Variants in DPYD observed in about 807,000 individuals in gnomAD.
DPYD encodes the protein dihydropyrimidine dehydrogenase, also known as dihydropyrimidine dehydrogenase [NADP(+)].
DPYD carries 109 observed loss-of-function variants against 116.2 expected under a neutral mutation model. That is an observed-to-expected ratio of 0.94 (90% CI 0.80 to 1.10). The LOEUF (loss-of-function observed/expected upper bound fraction) is 1.10. Among genes scored for constraint, DPYD ranks in the 50% least tolerant of loss-of-function variants. The pLI is 0.00. For missense variants in DPYD, 1,302 were observed against 1,254.5 expected, an observed-to-expected ratio of 1.04 and a Z score of -0.57; for synonymous variants, 440 against 432.0, an observed-to-expected ratio of 1.02 and a Z score of -0.23.
rs1651172191 is a variant in DPYD, at chr1:97,549,702, A to C, written c.1382T>G (p.Leu461Arg). The change falls in exon 12 of 23, where the codon CTC (leucine) becomes CGC (arginine). Residue 461 changes from leucine (L) to arginine (R), a missense_variant. By Grantham distance (102) the Leu-to-Arg change is moderately radical. Coordinates refer to ENST00000370192, the MANE Select transcript of DPYD (RefSeq NM_000110.4). ...LSPIKFNRWG[L>R]PEVDPETMQT... ...CATAGTTTCTGGATCTACTTCTGGG[A>C]GACCCCATCTGTTAAATTTTATAGG... 1.9e-6 allele frequency: 3 copies of C among 1,613,720 alleles called. No homozygotes were observed. Among genetic ancestry groups the C allele is most frequent in the Non-Finnish European group, 2.5e-6 (3 of 1,179,872 alleles).
Position 97,358,370 on chromosome 1 carries a change from G to A in DPYD, c.2058+15191C>T, listed in dbSNP as rs186082783. On this transcript the variant is annotated intron_variant, in intron 16 of 22. Coordinates refer to ENST00000370192, the MANE Select transcript of DPYD (RefSeq NM_000110.4). ...GCCTCTGTGGTCTCCACCTCTGGGG[G>A]CAGGGCATAGCTGAACAAAAGGCAG... Among the ~76,000 whole-genome samples the A allele has an allele frequency of 1.8e-3, 273 of 152,336 alleles. 1 individual carries two copies. Among genetic ancestry groups the A allele is most frequent in the African/African-American group, 6.4e-3 (266 of 41,592 alleles).
At chr1:97,478,390 C>T (rs888256649) in intron 13 of DPYD, among the ~76,000 whole-genome samples, 3 of 152,082 alleles carry the variant, frequency 2.0e-5, no homozygotes, top group Admixed American at 6.5e-5. Context: ...TGGGTTCAAG[C>T]AATTCTCCTG....
intron 18 of DPYD, among the ~76,000 whole-genome samples, chr1:97,288,291 A>C (rs1665875081): frequency 6.6e-6 from 1 of 150,858 alleles, no homozygotes; most frequent in Non-Finnish European, 1.5e-5. Context: ...ACAGAAAGTT[A>C]ACAAGGATAC....
rs999141161 is a variant in DPYD at position 97,089,275 on chromosome 1, T to C, written c.2767-6805A>G. ...TCATTCTCATATATATCAACAGAAG[T>C]GGAAAGCATTCGGGGGACTTTATAA... On this transcript the variant is annotated intron_variant, in intron 21 of 22. Transcript: ENST00000370192. Among the ~76,000 whole-genome samples the C allele has an allele frequency of 1.3e-5, 2 of 152,158 alleles. 1 individual carries two copies. Among genetic ancestry groups the C allele is most frequent in the African/African-American group, 4.8e-5 (2 of 41,440 alleles).
At chr1:97,322,242 A>T (rs1300782088) in intron 16 of DPYD, among the ~76,000 whole-genome samples, 3 of 150,166 alleles carry the variant, frequency 2.0e-5, no homozygotes, top group Non-Finnish European at 4.4e-5. Flanking sequence ...AATAAAAAAA[A>T]ATAATAAATA....
intron 5 of DPYD, chr1:97,719,909 A>G (rs1395570115): frequency 1.5e-5 from 15 of 984,922 alleles, no homozygotes; most frequent in Admixed American, 1.2e-4. Context: ...TAATCTATGC[A>G]TAACTCTTCA....
intron 20 of DPYD, among the ~76,000 whole-genome samples, chr1:97,177,882 G>A (rs761074853): frequency 7.2e-5 from 11 of 152,160 alleles, no homozygotes; most frequent in South Asian, 4.2e-4. Context: ...AGATTGAGAC[G>A]CTGGGAGATT....
In DPYD at chr1:97,450,115, T is replaced by C. The variant is rs776984091; in HGVS notation, c.1849A>G (p.Thr617Ala). The C allele has an allele frequency of 6.2e-7, 1 of 1,613,992 alleles. No individual in the cohort carries two copies. Among genetic ancestry groups the C allele is most frequent in the South Asian group, 1.1e-5 (1 of 91,086 alleles). The change falls in exon 14 of 23, where the codon ACG becomes GCG. Residue 617 changes from threonine to alanine, a missense_variant. Physicochemically the swap from Thr to Ala is moderately conservative, Grantham distance 58. Transcript: ENST00000370192. ...FLNIELISEKTAAYWCQSVTE... is the reference protein window; with the variant it reads ...FLNIELISEKAAAYWCQSVTE... ...ACACTTTGACACCAATATGCAGCCG[T>C]TTTCTCACTGATGAGCTCAATATTC...
chr1:97,523,667 C>T (rs1008072672), intron 12 of DPYD, among the ~76,000 whole-genome samples: 6 of 152,044 alleles, frequency 3.9e-5, no homozygotes, highest in Non-Finnish European at 5.9e-5. Context: ...TCAAATAAAA[C>T]AATATCATTA....
Position 97,642,884 on chromosome 1 carries a change from TAATAAAATTA to T in DPYD, c.850+36201_850+36210del, listed in dbSNP as rs199667278. Among the ~76,000 whole-genome samples, 1,505 of 150,872 alleles carry T rather than the reference TAATAAAATTA, an allele frequency of 1.0e-2. 28 individuals are homozygous for T. The highest frequency in any genetic ancestry group is 0.035 in the African/African-American group (1,419 of 40,980). ...TACCCTAAAACTTGAAGTATAATAATAATAAAATTAAATTAAATTAAATTAAATTAAATTA... is the reference window on the plus strand; with the variant it reads ...TACCCTAAAACTTGAAGTATAATAATAATTAAATTAAATTAAATTAAATTA... On this transcript the variant is annotated intron_variant, in intron 8 of 22. Transcript: ENST00000370192.
At chr1:97,520,933 CAT>C (rs150609283) in intron 12 of DPYD, among the ~76,000 whole-genome samples, 12,710 of 152,124 alleles carry the variant, frequency 0.084, 636 homozygotes, top group South Asian at 0.1. Flanking sequence ...CTTCAATAAA[CAT>C]GTGTGTGCAT....
chr1:97,191,989 T>C (rs1658406563), intron 20 of DPYD, among the ~76,000 whole-genome samples: 1 of 152,196 alleles, frequency 6.6e-6, no homozygotes, highest in African/African-American at 2.4e-5. Flanking sequence ...TCTGTTTGAT[T>C]GCCACTCATG....
intron 10 of DPYD, among the ~76,000 whole-genome samples, chr1:97,581,426 C>A (rs1174010291): frequency 6.6e-6 from 1 of 150,594 alleles, no homozygotes; most frequent in Non-Finnish European, 1.5e-5. Context: ...GGGCATTTCA[C>A]CTAGCAGTAG....
At chr1:97,389,800 G>T (rs1233246291) in intron 14 of DPYD, among the ~76,000 whole-genome samples, 6 of 150,402 alleles carry the variant, frequency 4.0e-5, no homozygotes, top group Non-Finnish European at 8.9e-5. Flanking sequence ...ATCAAATTTT[G>T]CATATTTCTT....
At chr1:97,598,045 C>T (rs544047281) in intron 8 of DPYD, among the ~76,000 whole-genome samples, 22 of 151,952 alleles carry the variant, frequency 1.4e-4, no homozygotes, top group African/African-American at 2.2e-4. Flanking sequence ...GCTGGCACAT[C>T]GTGAATACTC....
chr1:97,171,510 C>A (rs17116539), intron 20 of DPYD, among the ~76,000 whole-genome samples: 1 of 152,108 alleles, frequency 6.6e-6, no homozygotes, highest in Non-Finnish European at 1.5e-5. Flanking sequence ...TAGGCAAGTG[C>A]GGAGGTTTTG....
At chr1:97,082,174 T>C (rs1270135631) in intron 22 of DPYD, among the ~76,000 whole-genome samples, 156 bp downstream of exon 22, 2 of 152,108 alleles carry the variant, frequency 1.3e-5, no homozygotes, top group Non-Finnish European at 2.9e-5. Context: ...AAAGACCATA[T>C]TATAAGGGTG....
chr1:97,310,792 T>C (rs1182888861), intron 16 of DPYD, among the ~76,000 whole-genome samples: 1 of 151,762 alleles, frequency 6.6e-6, no homozygotes, highest in Non-Finnish European at 1.5e-5. Context: ...CATTAAAACT[T>C]GCACATGAAT....
chr1:97,569,201 C>T (rs571109941), intron 11 of DPYD, among the ~76,000 whole-genome samples: 1 of 151,828 alleles, frequency 6.6e-6, no homozygotes, highest in South Asian at 2.1e-4. Context: ...GCAAAACTAA[C>T]AGAAATTTGG....
Sources: gnomAD v4.1 joint callset for allele counts (sites outside exome capture counted in the v4.1 genomes callset) on GRCh38, gnomAD v4.1.1 for gene constraint, MANE v1.5 for transcripts, NCBI Gene and HGNC (gene_info 2026-07-23, HGNC 2026-07-21) for gene names.